TPRG1: variants seen among roughly 807,000 people sequenced by gnomAD.
TPRG1 encodes the protein tumor protein p63 regulated 1, also known as tumor protein p63-regulated gene 1 protein.
TPRG1 carries 29 observed loss-of-function variants against 29.3 expected under a neutral mutation model. The observed-to-expected ratio is 0.99, with a 90% confidence interval of 0.74 to 1.35. TPRG1 has a LOEUF of 1.35. Among genes scored for constraint, TPRG1 ranks in the 40% most tolerant of loss-of-function variants. The pLI, the probability that TPRG1 is intolerant of heterozygous loss-of-function variation, is 0.00. For missense variants in TPRG1, 327 were observed against 335.0 expected, an observed-to-expected ratio of 0.98 and a Z score of 0.19; for synonymous variants, 130 against 116.8, an observed-to-expected ratio of 1.11 and a Z score of -0.73.
chr3:189,193,390 A>G (rs1332364793), intron 1 of TPRG1, among the ~76,000 whole-genome samples: 1 of 152,068 alleles, frequency 6.6e-6, no homozygotes, highest in African/African-American at 2.4e-5. Flanking sequence ...TGCTTCACAG[A>G]GAAACTTTTG....
At chr3:189,302,474 C>A (rs1720989355) in intron 4 of TPRG1, among the ~76,000 whole-genome samples, 1 of 152,148 alleles carries the variant, frequency 6.6e-6, no homozygotes, top group South Asian at 2.1e-4. Context: ...AAGGATGGAT[C>A]AGGGTGTGAG....
chr3:189,229,645 G>A (rs1738323624), intron 3 of TPRG1, among the ~76,000 whole-genome samples: 1 of 152,214 alleles, frequency 6.6e-6, no homozygotes. Context: ...GCGCACACCA[G>A]TCAGGAGGAA....
intron 4 of TPRG1, among the ~76,000 whole-genome samples, chr3:189,243,117 T>C (rs938654729): frequency 4.6e-5 from 7 of 152,196 alleles, no homozygotes; most frequent in African/African-American, 1.7e-4. Flanking sequence ...TGGCTTATAG[T>C]TCTGCAGGTT....
At chr3:189,146,245 G>T (rs1207025606) in intron 3 of TPRG1, among the ~76,000 whole-genome samples, 1 of 152,192 alleles carries the variant, frequency 6.6e-6, no homozygotes. Flanking sequence ...TCAGTTTCAT[G>T]TTGGGCAGTG....
At chr3:189,214,632 C>T (rs1231297141) in intron 2 of TPRG1, among the ~76,000 whole-genome samples, 1 of 152,132 alleles carries the variant, frequency 6.6e-6, no homozygotes, top group Non-Finnish European at 1.5e-5. Flanking sequence ...CAGGTCCCAC[C>T]CTGGTCCAGC....
Position 189,325,074 on chromosome 3 carries a change from C to T in TPRG1, c.*4254C>T, listed in dbSNP as rs1724612542. 1 of 152,082 alleles carries T rather than the reference C, an allele frequency of 6.6e-6. No individual in the cohort carries two copies. The highest frequency in any genetic ancestry group is 1.5e-5 in the Non-Finnish European group (1 of 68,026). 9.4% of individuals were successfully genotyped at this position (152,082 alleles called of 1,614,324 possible). ...CAGTTCCCCAGAAGCTAAGGAAAAA[C>T]TCTGAGGCCTTGGAGTTACTGAGAG... On this transcript the variant is annotated 3_prime_UTR_variant, in exon 6 of 6. Coordinates refer to ENST00000345063, the MANE Select transcript of TPRG1 (RefSeq NM_198485.4).
intron 3 of TPRG1, among the ~76,000 whole-genome samples, chr3:189,142,429 C>T (rs929425987): frequency 6.6e-6 from 1 of 152,186 alleles, no homozygotes; most frequent in East Asian, 1.9e-4. Context: ...CCTTCTGTAT[C>T]TCTAGATCCT....
chr3:189,307,417 G>T (rs1721807725), intron 4 of TPRG1, among the ~76,000 whole-genome samples: 1 of 152,158 alleles, frequency 6.6e-6, no homozygotes, highest in Non-Finnish European at 1.5e-5. Context: ...TCTCAAAATT[G>T]CTCATATTGA....
At chr3:189,250,795 G>C (rs139069511) in intron 4 of TPRG1, among the ~76,000 whole-genome samples, 7 of 148,252 alleles carry the variant, frequency 4.7e-5, no homozygotes, top group Non-Finnish European at 7.4e-5. Flanking sequence ...GTACCCACTC[G>C]CTGTAGGTGG....
intron 3 of TPRG1, among the ~76,000 whole-genome samples, chr3:189,012,637 G>T (rs764225960): frequency 7.2e-5 from 11 of 152,092 alleles, no homozygotes; most frequent in Non-Finnish European, 1.3e-4. Flanking sequence ...GACTTTTTTG[G>T]TTGGTAGGCT....
chr3:189,068,178 T>C (rs1716575819), intron 4 of TPRG1, among the ~76,000 whole-genome samples: 1 of 152,038 alleles, frequency 6.6e-6, no homozygotes, highest in Non-Finnish European at 1.5e-5. Context: ...CTGGCAAGAA[T>C]GTGGAGAAAA....
chr3:189,085,788 T>A (rs73890959), intron 4 of TPRG1, among the ~76,000 whole-genome samples: 1 of 152,044 alleles, frequency 6.6e-6, no homozygotes, highest in African/African-American at 2.4e-5. Context: ...GTTACCGTTA[T>A]GAAATTAATT....
chr3:189,056,334 G>A (rs924257658), intron 4 of TPRG1, among the ~76,000 whole-genome samples: 46 of 152,028 alleles, frequency 3.0e-4, no homozygotes, highest in African/African-American at 1.1e-3. Context: ...GACCTCAAGT[G>A]ACCTACCCAC....
chr3:189,232,459 C>A (rs1030895270), intron 3 of TPRG1, among the ~76,000 whole-genome samples: 1 of 152,192 alleles, frequency 6.6e-6, no homozygotes, highest in Non-Finnish European at 1.5e-5. Context: ...GGGCAAGAGG[C>A]TGGGAATCTG....
chr3:189,217,853 T>G, intron 3 of TPRG1: 1 of 982,874 alleles, frequency 1.0e-6, no homozygotes, highest in Non-Finnish European at 1.2e-6. Flanking sequence ...TAAGCCTTTT[T>G]GTTTGTTTGT....
chr3:189,010,229 G>A (rs745614211), intron 3 of TPRG1, among the ~76,000 whole-genome samples: 51 of 151,940 alleles, frequency 3.4e-4, no homozygotes, highest in East Asian at 3.9e-4. Context: ...TGTCTTTGCT[G>A]TTGTGAATAG....
At chr3:189,255,933 C>T (rs991562657) in intron 4 of TPRG1, among the ~76,000 whole-genome samples, 1 of 151,930 alleles carries the variant, frequency 6.6e-6, no homozygotes, top group African/African-American at 2.4e-5. Flanking sequence ...AGTGGTCTAT[C>T]TATTATGTTA....
chr3:189,111,354 TA>T (rs897553694), intron 1 of TPRG1, among the ~76,000 whole-genome samples: 4 of 152,238 alleles, frequency 2.6e-5, no homozygotes, highest in African/African-American at 9.6e-5. Context: ...ATTATGGTTT[TA>T]AAATTTTAAT....
At chr3:189,272,886 T>G (rs1252345571) in intron 4 of TPRG1, among the ~76,000 whole-genome samples, 1 of 152,068 alleles carries the variant, frequency 6.6e-6, no homozygotes, top group Non-Finnish European at 1.5e-5. Flanking sequence ...AGAAAGGTGG[T>G]GCTAGAGACT....
Sources: allele counts gnomAD v4.1 joint callset (sites outside exome capture counted in the v4.1 genomes callset), GRCh38; gene constraint gnomAD v4.1.1; transcripts MANE v1.5; gene names NCBI Gene and HGNC (gene_info 2026-07-23, HGNC 2026-07-21).